The following RBFOX1 variants were observed in gnomAD, a reference collection of about 807,000 sequenced individuals.
RBFOX1 encodes RNA binding fox-1 homolog 1, also known as RNA binding protein fox-1 homolog 1.
Under a neutral mutation model 57.7 loss-of-function variants are expected in RBFOX1, and 8 were observed. The ratio of observed to expected loss-of-function variants is 0.14; its 90% CI spans 0.08 to 0.25. The LOEUF (loss-of-function observed/expected upper bound fraction) is 0.25. RBFOX1 is among the 10% of genes least tolerant of loss of function. The pLI is 1.00. For missense variants in RBFOX1, 611 were observed against 548.5 expected (o/e 1.11, Z -1.14); for synonymous variants, 326 against 222.4 (o/e 1.47, Z -4.15).
intron 2 of RBFOX1, among the ~76,000 whole-genome samples, chr16:6,319,317 T>G (rs1310831261): frequency 6.6e-6 from 1 of 152,210 alleles, no homozygotes; most frequent in African/African-American, 2.4e-5. Context: ...TTTAATTTTT[T>G]CCAGAATGTT....
chr16:5,666,412 T>C (rs2049846204), intron 3 of RBFOX1, among the ~76,000 whole-genome samples: 1 of 152,206 alleles, frequency 6.6e-6, no homozygotes, highest in South Asian at 2.1e-4. Context: ...TTTATTCCCA[T>C]GACAAGGTCC....
At chr16:5,455,351 A>G (rs1169440061) in intron 1 of RBFOX1, among the ~76,000 whole-genome samples, 1 of 151,980 alleles carries the variant, frequency 6.6e-6, no homozygotes. Context: ...GCTTTTTATG[A>G]TATGGCTTCA....
rs115731003 is a variant in RBFOX1 at position 6,610,169 on chromosome 16, C to T, written c.-63-44434C>T. On this transcript the variant is annotated intron_variant, in intron 2 of 15. Transcript: ENST00000550418. Reference sequence around the variant, plus strand: ...TTGATTCTCAAAGCCTGAAGCTCTTCGGTGTGCATTAGACTAAATTATCAT... The same window carrying T: ...TTGATTCTCAAAGCCTGAAGCTCTTTGGTGTGCATTAGACTAAATTATCAT... 3.7e-3 allele frequency among the ~76,000 whole-genome samples: 565 copies of T among 152,232 alleles called. 5 individuals carry two copies. Among genetic ancestry groups the T allele is most frequent in the African/African-American group, 0.01 (431 of 41,544 alleles).
At chr16:6,910,210 C>G (rs887908147) in intron 3 of RBFOX1, among the ~76,000 whole-genome samples, 1 of 151,948 alleles carries the variant, frequency 6.6e-6, no homozygotes, top group African/African-American at 2.4e-5. Flanking sequence ...AAGAGAAATC[C>G]TAAGAGGAGT....
chr16:7,319,445 G>A (rs1381194336), intron 4 of RBFOX1, among the ~76,000 whole-genome samples: 1 of 152,200 alleles, frequency 6.6e-6, no homozygotes, highest in African/African-American at 2.4e-5. Flanking sequence ...TTAAAAAGAA[G>A]ACGTGGAGGG....
chr16:5,815,100 C>T (rs1272183721), intron 3 of RBFOX1, among the ~76,000 whole-genome samples: 1 of 151,498 alleles, frequency 6.6e-6, no homozygotes, highest in Admixed American at 6.6e-5. Flanking sequence ...CTACCTCAGC[C>T]TCCTGAGTCA....
intron 1 of RBFOX1, among the ~76,000 whole-genome samples, chr16:6,160,480 G>T (rs530047432): frequency 6.6e-6 from 1 of 151,962 alleles, no homozygotes; most frequent in African/African-American, 2.4e-5. Context: ...TCACCTCTTG[G>T]CCCCTCCAGC....
chr16:6,870,045 AC>A (rs1279191395), intron 3 of RBFOX1, among the ~76,000 whole-genome samples: 1 of 152,196 alleles, frequency 6.6e-6, no homozygotes, highest in Non-Finnish European at 1.5e-5. Flanking sequence ...AGCTGGCCCT[AC>A]GAGTTTAAAA....
At chr16:6,994,645 A>G (rs1322423788) in intron 3 of RBFOX1, among the ~76,000 whole-genome samples, 3 of 152,220 alleles carry the variant, frequency 2.0e-5, no homozygotes, top group African/African-American at 4.8e-5. Context: ...ATTCAAAGAA[A>G]GTGCCATCCA....
chr16:6,727,066 G>GCACACACACACACACACACAC (rs1568370872), intron 3 of RBFOX1, among the ~76,000 whole-genome samples: 1 of 148,136 alleles, frequency 6.8e-6, no homozygotes, highest in Admixed American at 6.7e-5. Flanking sequence ...CACACACACA[G>GCACACACACACACACACACAC]ACACAGAGAG....
chr16:6,260,564 G>GAT, intron 1 of RBFOX1, among the ~76,000 whole-genome samples: 1 of 152,174 alleles, frequency 6.6e-6, no homozygotes, highest in East Asian at 1.9e-4. Context: ...TCTGTATTAA[G>GAT]ATATATATAA....
At chr16:6,221,692 G>T (rs1286523832) in intron 1 of RBFOX1, among the ~76,000 whole-genome samples, 1 of 152,228 alleles carries the variant, frequency 6.6e-6, no homozygotes, top group Non-Finnish European at 1.5e-5. Context: ...ACACCTCACA[G>T]TCATGGCAGA....
At chr16:6,591,317 A>G (rs975448303) in intron 2 of RBFOX1, among the ~76,000 whole-genome samples, 2 of 152,068 alleles carry the variant, frequency 1.3e-5, no homozygotes, top group Non-Finnish European at 2.9e-5. Flanking sequence ...TAGCCGGTGC[A>G]GTGGTGCATG....
intron 3 of RBFOX1, among the ~76,000 whole-genome samples, chr16:6,943,107 A>G (rs539614024): frequency 1.4e-4 from 22 of 152,276 alleles, no homozygotes; most frequent in East Asian, 3.9e-4. Context: ...GAGGGAGCCA[A>G]TCTGGGTATT....
At chr16:5,789,923 T>C (rs768483787) in intron 3 of RBFOX1, among the ~76,000 whole-genome samples, 1 of 152,216 alleles carries the variant, frequency 6.6e-6, no homozygotes, top group Non-Finnish European at 1.5e-5. Context: ...GTATGGGCTG[T>C]GCTAGCTGCG....
chr16:5,639,302 A>T (rs889123299), intron 3 of RBFOX1, among the ~76,000 whole-genome samples: 2 of 152,306 alleles, frequency 1.3e-5, no homozygotes, highest in East Asian at 3.9e-4. Flanking sequence ...CTGAATTTCA[A>T]ATGTCTCTGC....
At chr16:5,905,721 T>A (rs1358756919) in intron 4 of RBFOX1, among the ~76,000 whole-genome samples, 1 of 151,958 alleles carries the variant, frequency 6.6e-6, no homozygotes, top group Non-Finnish European at 1.5e-5. Context: ...GAAGACAGCA[T>A]CTAGAAGCCA....
At chr16:6,608,064 T>A (rs1384009082) in intron 2 of RBFOX1, among the ~76,000 whole-genome samples, 1 of 152,206 alleles carries the variant, frequency 6.6e-6, no homozygotes, top group Non-Finnish European at 1.5e-5. Context: ...TTGTACAGAA[T>A]TTTGAGAGAA....
intron 4 of RBFOX1, among the ~76,000 whole-genome samples, chr16:7,420,919 A>C (rs564446007): frequency 6.8e-6 from 1 of 146,372 alleles, no homozygotes; most frequent in African/African-American, 2.5e-5. Context: ...ATACATATAT[A>C]TATATACACA....
Sources: allele counts gnomAD v4.1 joint callset (sites outside exome capture counted in the v4.1 genomes callset), GRCh38; gene constraint gnomAD v4.1.1; transcripts MANE v1.5; gene names NCBI Gene and HGNC (gene_info 2026-07-23, HGNC 2026-07-21).